Variants in MRPL1 observed in about 807,000 individuals in gnomAD.
MRPL1 encodes mitochondrial ribosomal protein L1, also known as large ribosomal subunit protein uL1m.
MRPL1 carries 28 observed loss-of-function variants against 38.0 expected under a neutral mutation model. The observed-to-expected ratio is 0.74, with a 90% CI of 0.55 to 1.01. The LOEUF is 1.01. MRPL1 is among the 50% of genes least tolerant of loss of function. MRPL1 has a pLI of 0.00. For synonymous variants in MRPL1, 123 were observed against 126.7 expected (o/e 0.97, Z 0.20); for missense variants, 358 against 389.8 (o/e 0.92, Z 0.69).
At chr4:77,881,850 ACT>A (rs1735549557) in intron 2 of MRPL1, among the ~76,000 whole-genome samples, 1 of 151,874 alleles carries the variant, frequency 6.6e-6, no homozygotes, top group East Asian at 1.9e-4. Context: ...GCGGGAACAG[ACT>A]CTTAATTGTT....
At position 77,907,897 on chromosome 4, in the gene MRPL1, T is replaced by C. The variant is rs556327056; in HGVS notation, c.671-1369T>C. Reference sequence around the variant, plus strand: ...CAGTTTCTTTCTTTTCTTTTCTTTTTTTTTTTTTTTGAGACAGAGTCTTGC... The same window carrying C: ...CAGTTTCTTTCTTTTCTTTTCTTTTCTTTTTTTTTTGAGACAGAGTCTTGC... On this transcript the variant is annotated intron_variant, in intron 6 of 8. Transcript: ENST00000315567. 2.1e-4 allele frequency among the ~76,000 whole-genome samples: 31 copies of C among 149,850 alleles called. No individual in the cohort carries two copies. In the South Asian group the frequency reaches 3.4e-3, roughly 16 times the overall value.
At chr4:77,881,978 A>G (rs77782274) in intron 2 of MRPL1, among the ~76,000 whole-genome samples, 94 of 152,146 alleles carry the variant, frequency 6.2e-4, no homozygotes, top group Non-Finnish European at 1.3e-3. Flanking sequence ...ATGCCCCCCT[A>G]TGCTCTGTCT....
chr4:77,883,356 C>G lies in MRPL1; in HGVS notation c.258C>G (p.Val86=), dbSNP rs146085944. 5.5e-5 allele frequency: 88 copies of G among 1,613,698 alleles called. No homozygotes were observed. The highest frequency in any genetic ancestry group is 7.3e-5 in the Non-Finnish European group (86 of 1,179,882). ...PYMEGEPEDD[V]YLKRLYPRQI... is the part of the protein sequence containing the mutation. ...TGGAAGGCGAACCTGAGGATGATGT[C>G]TATTTAAAACGCTTATACCCGAGAC... Residue 86 remains valine, a synonymous_variant, in exon 3 of 9, where the codon GTC becomes GTG. Transcript: ENST00000315567.
chr4:77,876,850 G>A (rs529645558), intron 2 of MRPL1, among the ~76,000 whole-genome samples: 1 of 151,910 alleles, frequency 6.6e-6, no homozygotes, highest in Non-Finnish European at 1.5e-5. Flanking sequence ...GTTGAGTCTG[G>A]TTTTGTTTCT....
At chr4:77,948,328 G>T (rs1737321415) in intron 7 of MRPL1, among the ~76,000 whole-genome samples, 1 of 152,132 alleles carries the variant, frequency 6.6e-6, no homozygotes, top group African/African-American at 2.4e-5. Context: ...ACATGCTGAT[G>T]CCTTTAGCCT....
At chr4:77,929,577 A>C (rs1052953869) in intron 7 of MRPL1, among the ~76,000 whole-genome samples, 3 of 152,300 alleles carry the variant, frequency 2.0e-5, no homozygotes, top group Non-Finnish European at 4.4e-5. Context: ...CCCTTCTCCC[A>C]TTACAGATTT....
At chr4:77,936,625 C>T (rs1384160067) in intron 7 of MRPL1, among the ~76,000 whole-genome samples, 1 of 152,194 alleles carries the variant, frequency 6.6e-6, no homozygotes, top group Non-Finnish European at 1.5e-5. Context: ...TGCACCAGAA[C>T]AGCAGAAGTG....
At chr4:77,901,024 T>C (rs1192868189) in intron 6 of MRPL1, among the ~76,000 whole-genome samples, 1 of 152,152 alleles carries the variant, frequency 6.6e-6, no homozygotes, top group Non-Finnish European at 1.5e-5. Flanking sequence ...TCTAGAATGA[T>C]TTCCTAATTT....
chr4:77,923,798 G>T (rs1034486187), intron 7 of MRPL1, among the ~76,000 whole-genome samples: 2 of 151,992 alleles, frequency 1.3e-5, no homozygotes, highest in African/African-American at 2.4e-5. Flanking sequence ...TTAGCCAGAC[G>T]TGGTGGTATG....
At chr4:77,950,630 T>C (rs1309539589) in intron 8 of MRPL1, among the ~76,000 whole-genome samples, 1 of 152,236 alleles carries the variant, frequency 6.6e-6, no homozygotes, top group African/African-American at 2.4e-5. Context: ...GAGTTAACCA[T>C]ACTGGTGAAT....
intron 2 of MRPL1, among the ~76,000 whole-genome samples, chr4:77,873,520 T>C (rs550332715): frequency 5.4e-4 from 82 of 152,316 alleles, no homozygotes; most frequent in Middle Eastern, 3.4e-3. Context: ...AAATGAAAAC[T>C]AAAGGGTAGA....
At chr4:77,919,773 TTATATATATTCAAGAACCTATAAAA>T (rs1373539768) in intron 7 of MRPL1, among the ~76,000 whole-genome samples, 16 of 151,092 alleles carry the variant, frequency 1.1e-4, no homozygotes, top group East Asian at 7.7e-4. Flanking sequence ...TCATGACCTA[TTATATATATTCAAGAACCTATAAAA>T]TATATATATT....
At chr4:77,915,999 C>A (rs996060987) in intron 7 of MRPL1, among the ~76,000 whole-genome samples, 2 of 152,070 alleles carry the variant, frequency 1.3e-5, no homozygotes, top group Non-Finnish European at 2.9e-5. Context: ...AGTCTTAGAG[C>A]ATAAAACTGA....
At chr4:77,886,794 T>TTTC (rs1247972048) in intron 4 of MRPL1, among the ~76,000 whole-genome samples, 1 of 137,374 alleles carries the variant, frequency 7.3e-6, no homozygotes, top group Non-Finnish European at 1.6e-5. Context: ...ATTTTCTTTT[T>TTTC]TTTTTTTTTT....
At chr4:77,941,347 T>G (rs1737128815) in intron 7 of MRPL1, among the ~76,000 whole-genome samples, 1 of 152,202 alleles carries the variant, frequency 6.6e-6, no homozygotes. Context: ...GTTATGTTCT[T>G]TCCTGGTTTT....
intron 7 of MRPL1, among the ~76,000 whole-genome samples, chr4:77,931,915 G>A (rs186698920): frequency 6.6e-6 from 1 of 152,248 alleles, no homozygotes; most frequent in East Asian, 1.9e-4. Context: ...ATCTGTTCAC[G>A]CAGCGCTGTG....
At chr4:77,924,176 A>G (rs1736655946) in intron 7 of MRPL1, among the ~76,000 whole-genome samples, 1 of 151,884 alleles carries the variant, frequency 6.6e-6, no homozygotes, top group Non-Finnish European at 1.5e-5. Flanking sequence ...ATGCCTTTGA[A>G]TTTAGTTTGA....
chr4:77,928,122 T>C (rs1736759799), intron 7 of MRPL1, among the ~76,000 whole-genome samples: 2 of 152,240 alleles, frequency 1.3e-5, no homozygotes, highest in South Asian at 4.1e-4. Context: ...GGCAAGCGTA[T>C]TGTCAACCTG....
rs146792115 is a variant in MRPL1, at chr4:77,883,186, TAA to T, written c.144-49_144-48del. The T allele has an allele frequency of 8.2e-4, 921 of 1,121,602 alleles. 4 individuals are homozygous for T. The African/African-American group carries it at 0.013, about 16-fold the overall frequency. The allele number at this position is 1,121,602 out of a possible 1,614,324, so 69.5% of individuals were successfully genotyped here. A position where few individuals can be genotyped will look rare whatever the true frequency, so the allele number is the denominator to read the frequency against. ...CTCTTATGTACACTGGCTTTTTTTT[TAA>T]AAAAAATCTCTTAGGATATATATTG... On this transcript the variant is annotated intron_variant, in intron 2 of 8. Transcript: ENST00000315567.
Sources: allele counts gnomAD v4.1 joint callset (sites outside exome capture counted in the v4.1 genomes callset), GRCh38; gene constraint gnomAD v4.1.1; transcripts MANE v1.5; gene names NCBI Gene and HGNC (gene_info 2026-07-23, HGNC 2026-07-21).